Variants in GALNT13 observed in about 807,000 individuals in gnomAD.
GALNT13 encodes the protein polypeptide N-acetylgalactosaminyltransferase 13, also known as UDP-GalNAc:polypeptide N-acetylgalactosaminyltransferase 13.
GALNT13 carries 28 observed loss-of-function variants against 64.2 expected under a neutral mutation model. That is an observed-to-expected ratio of 0.44 (90% confidence interval 0.32 to 0.60). GALNT13 has a LOEUF of 0.60. Among genes scored for constraint, GALNT13 ranks in the 20% least tolerant of loss-of-function variants. The pLI, the probability that GALNT13 is intolerant of heterozygous loss-of-function variation, is 0.05. For synonymous variants in GALNT13, 214 were observed against 224.6 expected (o/e 0.95, Z 0.42); for missense variants, 577 against 669.8 (o/e 0.86, Z 1.53).
At chr2:153,443,121 G>A in the GALNT13 span, among the ~76,000 whole-genome samples, 2 of 152,118 alleles carry the variant, frequency 1.3e-5, no homozygotes, top group Admixed American at 6.6e-5. Context: ...CATCTAGCTC[G>A]GTATCTGTCC....
the GALNT13 span, among the ~76,000 whole-genome samples, chr2:153,616,176 C>A: frequency 6.6e-6 from 1 of 151,630 alleles, no homozygotes; most frequent in African/African-American, 2.4e-5. Flanking sequence ...GTTTTCTCAG[C>A]GCCATTTATT....
At chr2:153,728,710 G>C in the GALNT13 span, among the ~76,000 whole-genome samples, 5 of 152,080 alleles carry the variant, frequency 3.3e-5, no homozygotes, top group African/African-American at 1.2e-4. Context: ...CCAGGAGCTG[G>C]TGTTTTGAAG....
At chr2:153,256,941 A>G in the GALNT13 span, among the ~76,000 whole-genome samples, 1 of 152,214 alleles carries the variant, frequency 6.6e-6, no homozygotes, top group African/African-American at 2.4e-5. Context: ...TGGAGCCTGC[A>G]GAGGCAGGCA....
intron 2 of GALNT13, among the ~76,000 whole-genome samples, chr2:153,943,936 C>A (rs1392150250): frequency 6.6e-6 from 1 of 152,144 alleles, no homozygotes; most frequent in Non-Finnish European, 1.5e-5. Flanking sequence ...AGAAAGTCTT[C>A]TATTCTTAGG....
the GALNT13 span, among the ~76,000 whole-genome samples, chr2:153,737,159 G>A: frequency 3.9e-5 from 6 of 152,152 alleles, no homozygotes; most frequent in Non-Finnish European, 8.8e-5. Flanking sequence ...TATTCAGGGA[G>A]GAAGAAAGGA....
the GALNT13 span, among the ~76,000 whole-genome samples, chr2:153,432,030 A>G: frequency 1.3e-5 from 2 of 152,202 alleles, no homozygotes; most frequent in African/African-American, 2.4e-5. Context: ...TTCTTGTATA[A>G]CATCTTTAAA....
At chr2:154,280,448 C>G (rs1280914382) in intron 8 of GALNT13, among the ~76,000 whole-genome samples, 2 of 152,152 alleles carry the variant, frequency 1.3e-5, no homozygotes, top group Admixed American at 6.6e-5. Flanking sequence ...ACAGGTTGTC[C>G]TATTTCCTCA....
At chr2:153,489,193 A>T in the GALNT13 span, among the ~76,000 whole-genome samples, 1 of 152,202 alleles carries the variant, frequency 6.6e-6, no homozygotes, top group South Asian at 2.1e-4. Flanking sequence ...TATTTAGGTG[A>T]TGGCTACACT....
the GALNT13 span, among the ~76,000 whole-genome samples, chr2:153,281,683 A>G: frequency 6.6e-6 from 1 of 152,118 alleles, no homozygotes; most frequent in Non-Finnish European, 1.5e-5. Context: ...TTCTTAGTTG[A>G]AATTTTTTTT....
chr2:153,355,136 GA>G, the GALNT13 span, among the ~76,000 whole-genome samples: 1 of 152,236 alleles, frequency 6.6e-6, no homozygotes, highest in Non-Finnish European at 1.5e-5. Flanking sequence ...AAACTTTAAT[GA>G]TTTTTTCGTG....
At chr2:153,323,238 C>G in the GALNT13 span, among the ~76,000 whole-genome samples, 1 of 152,156 alleles carries the variant, frequency 6.6e-6, no homozygotes, top group Admixed American at 6.5e-5. Flanking sequence ...TTGCATTTCT[C>G]TAATGACCAG....
chr2:153,332,072 C>G, the GALNT13 span, among the ~76,000 whole-genome samples: 1 of 152,006 alleles, frequency 6.6e-6, no homozygotes, highest in African/African-American at 2.4e-5. Context: ...GATTTTCTGT[C>G]TGTTTTTTTC....
the GALNT13 span, among the ~76,000 whole-genome samples, chr2:153,534,540 T>G: frequency 6.6e-6 from 1 of 150,938 alleles, no homozygotes; most frequent in Non-Finnish European, 1.5e-5. Flanking sequence ...TTTTTTTTTT[T>G]GTGAGCAACA....
At chr2:153,385,480 A>C in the GALNT13 span, among the ~76,000 whole-genome samples, 1 of 152,074 alleles carries the variant, frequency 6.6e-6, no homozygotes, top group Non-Finnish European at 1.5e-5. Flanking sequence ...GGAATCTAAA[A>C]GTCAAAACAA....
chr2:154,126,824 T>A (rs1334290762), intron 3 of GALNT13, among the ~76,000 whole-genome samples: 4 of 152,094 alleles, frequency 2.6e-5, no homozygotes, highest in African/African-American at 7.2e-5. Flanking sequence ...GACTTTTTTT[T>A]ATTCACTTGG....
the GALNT13 span, among the ~76,000 whole-genome samples, chr2:153,347,402 CTTCACTTAAGTCACA>C: frequency 3.9e-5 from 6 of 152,300 alleles, no homozygotes; most frequent in African/African-American, 1.4e-4. Flanking sequence ...TCTTATCAGA[CTTCACTTAAGTCACA>C]AATCCAAAGA....
intron 2 of GALNT13, among the ~76,000 whole-genome samples, chr2:153,914,709 T>C (rs926946740): frequency 6.6e-6 from 1 of 152,138 alleles, no homozygotes; most frequent in Admixed American, 6.6e-5. Flanking sequence ...TTTATATTGA[T>C]ATTATTCCAC....
At chr2:153,148,336 A>T in the GALNT13 span, among the ~76,000 whole-genome samples, 5 of 151,992 alleles carry the variant, frequency 3.3e-5, no homozygotes, top group South Asian at 1.0e-3. Flanking sequence ...ACACTCCAGG[A>T]ATAATATCAG....
intron 4 of GALNT13, among the ~76,000 whole-genome samples, chr2:154,156,028 A>G (rs992625591): frequency 8.0e-5 from 12 of 149,280 alleles, no homozygotes; most frequent in African/African-American, 3.1e-4. Context: ...TTTTTTCCCT[A>G]ACATAAAGCA....
Sources: gnomAD v4.1 joint callset for allele counts (sites outside exome capture counted in the v4.1 genomes callset) on GRCh38, gnomAD v4.1.1 for gene constraint, MANE v1.5 for transcripts, NCBI Gene and HGNC (gene_info 2026-07-23, HGNC 2026-07-21) for gene names.